MCPH1: variants seen among roughly 807,000 people sequenced by gnomAD.
The protein encoded by MCPH1 is microcephalin 1, also known as microcephalin.
In MCPH1, 104 loss-of-function variants were observed where a neutral mutation model predicts 84.5. The observed-to-expected ratio is 1.23, with a 90% confidence interval of 1.05 to 1.45. The LOEUF is 1.45. Ranked by LOEUF, MCPH1 falls within the 40% of genes most tolerant of loss-of-function variation. MCPH1 has a pLI of 0.00. For synonymous variants in MCPH1, 514 were observed against 366.8 expected, an observed-to-expected ratio of 1.40 and a Z score of -4.58; for missense variants, 1,498 against 1,005.7, an observed-to-expected ratio of 1.49 and a Z score of -6.62.
chr8:6,429,905 C>G (rs1288651973), intron 3 of MCPH1, among the ~76,000 whole-genome samples: 1 of 152,182 alleles, frequency 6.6e-6, no homozygotes, highest in Non-Finnish European at 1.5e-5. Context: ...AGGGTCCAAG[C>G]TCATTAGCTT....
intron 4 of MCPH1, among the ~76,000 whole-genome samples, chr8:6,432,427 C>T (rs909077252): frequency 6.6e-6 from 1 of 152,156 alleles, no homozygotes; most frequent in Non-Finnish European, 1.5e-5. Flanking sequence ...AGATCTGGAA[C>T]TTGCAGATAC....
chr8:6,479,012 C>A lies in MCPH1; in HGVS notation c.1973+1381C>A, dbSNP rs180796954. ...GGGTGTGTTGGTTCACGGCTATAAT[C>A]CCAGCACTTTGAGGGTCCCAGGTGG... On this transcript the variant is annotated intron_variant, in intron 10 of 13. Coordinates refer to ENST00000344683, the MANE Select transcript of MCPH1 (RefSeq NM_024596.5). 3.7e-4 allele frequency among the ~76,000 whole-genome samples: 57 copies of A among 152,306 alleles called. 1 individual carries two copies. In the East Asian group the frequency reaches 9.2e-3, roughly 25 times the overall value.
At chr8:6,444,019 T>C (rs182226349) in intron 7 of MCPH1, among the ~76,000 whole-genome samples, 36 of 152,322 alleles carry the variant, frequency 2.4e-4, no homozygotes, top group Admixed American at 4.6e-4. Context: ...TCTAGAACTT[T>C]CCCTAGATCT....
At chr8:6,464,667 C>A (rs147968553) in intron 9 of MCPH1, among the ~76,000 whole-genome samples, 3 of 152,128 alleles carry the variant, frequency 2.0e-5, no homozygotes, top group South Asian at 4.1e-4. Context: ...GACCCACAGG[C>A]GCTAAGAGAG....
chr8:6,619,654 A>G (rs1045448340), intron 12 of MCPH1, among the ~76,000 whole-genome samples: 2 of 145,048 alleles, frequency 1.4e-5, no homozygotes, highest in Admixed American at 6.9e-5. Flanking sequence ...GCACAATCTC[A>G]GCTCACTGCA....
chr8:6,597,532 G>A (rs1829023097), intron 12 of MCPH1, among the ~76,000 whole-genome samples: 1 of 152,134 alleles, frequency 6.6e-6, no homozygotes, highest in Admixed American at 6.5e-5. Context: ...GGAACCCGGA[G>A]CCCTCTCCCA....
intron 4 of MCPH1, among the ~76,000 whole-genome samples, chr8:6,435,581 C>G (rs757748157): frequency 6.6e-6 from 1 of 152,112 alleles, no homozygotes; most frequent in Admixed American, 6.6e-5. Flanking sequence ...ATTTGGCCCC[C>G]GTTCCTTGGT....
chr8:6,489,773 T>A (rs567974964), intron 11 of MCPH1, among the ~76,000 whole-genome samples: 61 of 152,308 alleles, frequency 4.0e-4, no homozygotes, highest in African/African-American at 1.4e-3. Flanking sequence ...TGCTTGGCGA[T>A]GTGGTTGCAT....
chr8:6,607,329 C>G (rs1461927200), intron 12 of MCPH1, among the ~76,000 whole-genome samples: 2 of 152,238 alleles, frequency 1.3e-5, no homozygotes, highest in African/African-American at 4.8e-5. Context: ...TAATCACCTC[C>G]TCCACCACTA....
At chr8:6,573,063 C>T (rs1826794080) in intron 12 of MCPH1, among the ~76,000 whole-genome samples, 1 of 152,256 alleles carries the variant, frequency 6.6e-6, no homozygotes, top group South Asian at 2.1e-4. Flanking sequence ...GGCGAGACCA[C>T]GGAAGTTAAA....
intron 11 of MCPH1, among the ~76,000 whole-genome samples, chr8:6,497,667 A>G (rs1422550472): frequency 6.6e-6 from 1 of 152,230 alleles, no homozygotes; most frequent in Non-Finnish European, 1.5e-5. Context: ...GGTACAACAC[A>G]TGTAGCACTC....
intron 12 of MCPH1, chr8:6,508,798 A>G (rs893446826): frequency 1.6e-6 from 2 of 1,257,076 alleles, no homozygotes; most frequent in East Asian, 2.3e-5. Context: ...ATTTACCTAT[A>G]TCAAGCTAGT....
chr8:6,445,823 T>C, intron 8 of MCPH1: 1 of 1,176,138 alleles, frequency 8.5e-7, no homozygotes, highest in South Asian at 2.9e-5. Context: ...TAGTCCATAG[T>C]ATGAATAACT....
chr8:6,592,641 TTTGTTGCTGTTGTTG>T (rs1828583614), intron 12 of MCPH1, among the ~76,000 whole-genome samples: 1 of 107,430 alleles, frequency 9.3e-6, no homozygotes, highest in African/African-American at 3.4e-5. Flanking sequence ...TTTTTTTTTT[TTTGTTGCTGTTGTTG>T]TTTGTTTGTT....
At chr8:6,475,447 T>A (rs1008975689) in intron 9 of MCPH1, among the ~76,000 whole-genome samples, 1 of 152,216 alleles carries the variant, frequency 6.6e-6, no homozygotes, top group Admixed American at 6.5e-5. Flanking sequence ...ATCGCTCTGG[T>A]GCTCAGAGCC....
chr8:6,507,882 C>T (rs1483870169), intron 12 of MCPH1: 1 of 152,090 alleles, frequency 6.6e-6, no homozygotes, highest in Non-Finnish European at 1.5e-5. Context: ...CGGGCCCGGC[C>T]AGAAAAATAA....
At chr8:6,494,625 C>CGA (rs968457854) in intron 11 of MCPH1, 1 of 152,112 alleles carries the variant, frequency 6.6e-6, no homozygotes, top group African/African-American at 2.4e-5. Flanking sequence ...TTGAACACAC[C>CGA]GAGTGAAAGG....
chr8:6,600,697 C>T (rs2515542), intron 12 of MCPH1, among the ~76,000 whole-genome samples: 143,490 of 152,306 alleles, frequency 0.94, 68,193 homozygotes, highest in East Asian at 1. Context: ...CTGAACAAAA[C>T]GATTCTACTA....
At chr8:6,562,578 T>TTTTTTTTAAA in intron 12 of MCPH1, 1 of 880,186 alleles carries the variant, frequency 1.1e-6, no homozygotes, top group Non-Finnish European at 1.6e-6. Context: ...TTTTGGTTGT[T>TTTTTTTTAAA]AAAACCTGAG....
Sources: allele counts gnomAD v4.1 joint callset (sites outside exome capture counted in the v4.1 genomes callset), GRCh38; gene constraint gnomAD v4.1.1; transcripts MANE v1.5; gene names NCBI Gene and HGNC (gene_info 2026-07-23, HGNC 2026-07-21).